The following CDYL variants were observed in gnomAD, a reference collection of about 807,000 sequenced individuals.
CDYL encodes chromodomain Y-like protein.
A neutral mutation model predicts 47.3 loss-of-function variants in CDYL; 8 were observed. The observed-to-expected ratio is 0.17, with a 90% confidence interval of 0.10 to 0.31. CDYL has a LOEUF of 0.31. Among genes scored for constraint, CDYL ranks in the 10% least tolerant of loss-of-function variants. The pLI, the probability that CDYL is intolerant of heterozygous loss-of-function variation, is 1.00. For missense variants in CDYL, 471 were observed against 701.4 expected, an observed-to-expected ratio of 0.67 and a Z score of 3.71; for synonymous variants, 266 against 265.0, an observed-to-expected ratio of 1.00 and a Z score of -0.04.
intron 2 of CDYL, among the ~76,000 whole-genome samples, chr6:4,917,691 G>A (rs1372349155): frequency 6.6e-6 from 1 of 152,182 alleles, no homozygotes; most frequent in Non-Finnish European, 1.5e-5. Flanking sequence ...ACTGAGGAAG[G>A]ATTAAAAGTA....
chr6:4,877,314 G>A (rs2127476109), intron 1 of CDYL, among the ~76,000 whole-genome samples: 1 of 152,190 alleles, frequency 6.6e-6, no homozygotes, highest in East Asian at 1.9e-4. Context: ...TGTTTTTGAT[G>A]AGAAGTTTAA....
At chr6:4,797,864 G>A (rs1759119058) in intron 1 of CDYL, among the ~76,000 whole-genome samples, 1 of 152,108 alleles carries the variant, frequency 6.6e-6, no homozygotes, top group African/African-American at 2.4e-5. Context: ...TCTACTTTTT[G>A]TCTATTATGA....
At chr6:4,739,190 TAAAAATAAAATAAAA>T (rs1757754255) in intron 3 of CDYL, among the ~76,000 whole-genome samples, 1 of 128,938 alleles carries the variant, frequency 7.8e-6, no homozygotes, top group South Asian at 2.3e-4. Context: ...AATTAAATAA[TAAAAATAAAATAAAA>T]TAAAATAAAA....
chr6:4,914,458 G>C (rs1342967934), intron 2 of CDYL, among the ~76,000 whole-genome samples: 1 of 152,180 alleles, frequency 6.6e-6, no homozygotes, highest in Admixed American at 6.5e-5. Context: ...GCTCAGCTGA[G>C]TTTCTTACTA....
At chr6:4,729,927 G>A (rs567914975) in intron 2 of CDYL, among the ~76,000 whole-genome samples, 1 of 152,134 alleles carries the variant, frequency 6.6e-6, no homozygotes, top group Non-Finnish European at 1.5e-5. Context: ...CAAAAAAAAA[G>A]GTAGAGACAA....
At chr6:4,852,400 CCTTCCTTCCTTCCAAT>C (rs1401551707) in intron 1 of CDYL, among the ~76,000 whole-genome samples, 4 of 128,012 alleles carry the variant, frequency 3.1e-5, no homozygotes, top group Admixed American at 7.5e-5. Flanking sequence ...CTTCCTTCCT[CCTTCCTTCCTTCCAAT>C]CTTCCTTCCT....
intron 4 of CDYL, 129 bp downstream of exon 4, chr6:4,937,866 A>G: frequency 1.5e-6 from 1 of 681,676 alleles, no homozygotes; most frequent in Non-Finnish European, 2.4e-6. Flanking sequence ...AGACACGAGC[A>G]GCAAAATTAA....
intron 6 of CDYL, 37 bp from the exon 7 acceptor site, chr6:4,953,861 T>C: frequency 6.3e-7 from 1 of 1,599,462 alleles, no homozygotes; most frequent in South Asian, 1.1e-5. Flanking sequence ...TCTGCCCGCA[T>C]GCACCCTGCT....
At chr6:4,816,570 C>T (rs1759683002) in intron 1 of CDYL, among the ~76,000 whole-genome samples, 1 of 149,924 alleles carries the variant, frequency 6.7e-6, no homozygotes, top group Non-Finnish European at 1.5e-5. Flanking sequence ...ACAGTCTTGG[C>T]TCACTGCAAC....
At chr6:4,776,253 G>A (rs1409581300), upstream of CDYL, among the ~76,000 whole-genome samples, 2 of 141,116 alleles carry the variant, frequency 1.4e-5, no homozygotes, top group East Asian at 2.2e-4. Flanking sequence ...CCTCGGCCCC[G>A]AGCGGAGCCC....
chr6:4,746,650 G>A (rs1313452626), intron 3 of CDYL, among the ~76,000 whole-genome samples: 1 of 152,158 alleles, frequency 6.6e-6, no homozygotes, highest in African/African-American at 2.4e-5. Context: ...TGATGAGTGG[G>A]TCCAAAAACA....
chr6:4,716,261 A>C (rs1209858942), intron 2 of CDYL, among the ~76,000 whole-genome samples: 1 of 149,222 alleles, frequency 6.7e-6, no homozygotes, highest in Non-Finnish European at 1.5e-5. Flanking sequence ...AAAAAAAAAA[A>C]GACTTTACCA....
At chr6:4,785,126 A>G (rs1335439426) in intron 1 of CDYL, among the ~76,000 whole-genome samples, 3 of 152,256 alleles carry the variant, frequency 2.0e-5, no homozygotes, top group African/African-American at 7.2e-5. Flanking sequence ...TGTTCAGTAC[A>G]GTAACATCTG....
At chr6:4,907,766 A>T (rs1757284651) in intron 2 of CDYL, among the ~76,000 whole-genome samples, 1 of 152,210 alleles carries the variant, frequency 6.6e-6, no homozygotes, top group Non-Finnish European at 1.5e-5. Flanking sequence ...TGTATTTATA[A>T]AACTTAGCAC....
intron 1 of CDYL, among the ~76,000 whole-genome samples, chr6:4,857,160 G>A (rs1304040501): frequency 2.6e-5 from 4 of 152,098 alleles, no homozygotes. Flanking sequence ...AAATATACGT[G>A]ACAAAGTTTG....
At chr6:4,720,917 C>T (rs1364282654) in intron 2 of CDYL, among the ~76,000 whole-genome samples, 2 of 152,146 alleles carry the variant, frequency 1.3e-5, no homozygotes, top group Non-Finnish European at 2.9e-5. Flanking sequence ...AAACATATTG[C>T]TAGTAAAAAT....
intron 3 of CDYL, among the ~76,000 whole-genome samples, chr6:4,763,213 C>T (rs1758202851): frequency 6.6e-6 from 1 of 152,026 alleles, no homozygotes. Context: ...AAATAAATAA[C>T]TTTTTAGACA....
At chr6:4,882,622 A>G (rs1174067139) in intron 1 of CDYL, among the ~76,000 whole-genome samples, 1 of 152,244 alleles carries the variant, frequency 6.6e-6, no homozygotes, top group Non-Finnish European at 1.5e-5. Context: ...GAAGGCTAAC[A>G]GCTAGGTTGC....
intron 2 of CDYL, among the ~76,000 whole-genome samples, chr6:4,924,713 C>T (rs970202422): frequency 6.6e-6 from 1 of 152,164 alleles, no homozygotes; most frequent in Non-Finnish European, 1.5e-5. Flanking sequence ...AAATGAACGA[C>T]TTCGATACTG....
Sources: gnomAD v4.1 joint callset for allele counts (sites outside exome capture counted in the v4.1 genomes callset) on GRCh38, gnomAD v4.1.1 for gene constraint, MANE v1.5 for transcripts, NCBI Gene and HGNC (gene_info 2026-07-23, HGNC 2026-07-21) for gene names.